Variants in TNR observed in about 807,000 individuals in gnomAD.
TNR encodes tenascin-R.
Under a neutral mutation model 150.4 loss-of-function variants are expected in TNR, and 45 were observed. The ratio of observed to expected loss-of-function variants is 0.30; its 90% CI spans 0.24 to 0.38. The LOEUF is 0.38. TNR is among the 10% of genes least tolerant of loss of function. The pLI, the probability that TNR is intolerant of heterozygous loss-of-function variation, is 1.00. For missense variants in TNR, 1,544 were observed against 1,759.1 expected, an observed-to-expected ratio of 0.88 and a Z score of 2.19; for synonymous variants, 687 against 678.4, an observed-to-expected ratio of 1.01 and a Z score of -0.20.
At chr1:175,692,219 A>G (rs1666388392) in intron 1 of TNR, among the ~76,000 whole-genome samples, 1 of 152,186 alleles carries the variant, frequency 6.6e-6, no homozygotes, top group Non-Finnish European at 1.5e-5. Flanking sequence ...GGGCCATTGA[A>G]GAGAGCCAGG....
intron 2 of TNR, among the ~76,000 whole-genome samples, chr1:175,499,692 C>T (rs960210030): frequency 1.3e-5 from 2 of 152,166 alleles, no homozygotes; most frequent in Admixed American, 1.3e-4. Context: ...CAAAGTGCTC[C>T]CCTTATAGCC....
intron 2 of TNR, among the ~76,000 whole-genome samples, chr1:175,510,221 C>A (rs1659113562): frequency 6.6e-6 from 1 of 152,018 alleles, no homozygotes; most frequent in Non-Finnish European, 1.5e-5. Context: ...AGAGCAAGAC[C>A]CTGTCTTGAA....
chr1:175,484,134 G>C (rs1363510433), intron 2 of TNR, among the ~76,000 whole-genome samples: 3 of 152,248 alleles, frequency 2.0e-5, no homozygotes, highest in Admixed American at 6.5e-5. Flanking sequence ...ATGAATGGAA[G>C]TCAGATGGAT....
chr1:175,726,880 T>C (rs924066902), intron 1 of TNR, among the ~76,000 whole-genome samples: 2 of 152,312 alleles, frequency 1.3e-5, no homozygotes, highest in Middle Eastern at 3.4e-3. Flanking sequence ...CTCTTGATTA[T>C]AGGTAAATCA....
chr1:175,377,661 T>G (rs908248598), intron 9 of TNR, among the ~76,000 whole-genome samples: 3 of 152,258 alleles, frequency 2.0e-5, no homozygotes, highest in Non-Finnish European at 4.4e-5. Flanking sequence ...TTACTTTAAC[T>G]GGCTGTGTTT....
chr1:175,339,867 C>A (rs1023006952), intron 18 of TNR, among the ~76,000 whole-genome samples: 4 of 152,092 alleles, frequency 2.6e-5, no homozygotes, highest in African/African-American at 4.8e-5. Context: ...AATGGGGAAA[C>A]AAACGATCTC....
intron 1 of TNR, among the ~76,000 whole-genome samples, chr1:175,698,475 G>A (rs1334055759): frequency 1.3e-5 from 2 of 152,150 alleles, no homozygotes; most frequent in African/African-American, 2.4e-5. Context: ...AGACCAGCGG[G>A]CAGGGGCAGG....
At chr1:175,721,238 A>G (rs1667290229) in intron 1 of TNR, among the ~76,000 whole-genome samples, 1 of 151,996 alleles carries the variant, frequency 6.6e-6, no homozygotes, top group African/African-American at 2.4e-5. Flanking sequence ...AAATCACCCT[A>G]TTTCATTGTT....
At chr1:175,575,754 C>T (rs1266442289) in intron 1 of TNR, among the ~76,000 whole-genome samples, 7 of 152,172 alleles carry the variant, frequency 4.6e-5, no homozygotes, top group Non-Finnish European at 8.8e-5. Context: ...CACCACAGTG[C>T]ACCGGGGGAC....
intron 7 of TNR, among the ~76,000 whole-genome samples, chr1:175,390,145 G>A (rs750823902): frequency 2.6e-5 from 4 of 152,182 alleles, no homozygotes; most frequent in Non-Finnish European, 4.4e-5. Flanking sequence ...CTGAACCAAC[G>A]TTTTCTAAAC....
intron 19 of TNR, among the ~76,000 whole-genome samples, 174 bp from the exon 20 acceptor site, chr1:175,335,981 A>G (rs998073110): frequency 6.6e-6 from 1 of 152,252 alleles, no homozygotes; most frequent in Admixed American, 6.5e-5. Context: ...TTTACACAGC[A>G]GTTTTTGTAG....
intron 15 of TNR, among the ~76,000 whole-genome samples, chr1:175,358,521 T>C (rs1044382609): frequency 7.9e-5 from 12 of 152,258 alleles, no homozygotes; most frequent in Non-Finnish European, 1.6e-4. Flanking sequence ...TAAGTTTACT[T>C]CTTTGCAGCT....
intron 2 of TNR, among the ~76,000 whole-genome samples, chr1:175,470,401 C>T (rs988454066): frequency 6.6e-6 from 1 of 152,130 alleles, no homozygotes; most frequent in African/African-American, 2.4e-5. Flanking sequence ...AAAGAGAATC[C>T]ACCCAAAGGC....
intron 1 of TNR, among the ~76,000 whole-genome samples, chr1:175,738,080 C>T (rs929132646): frequency 2.6e-5 from 4 of 152,154 alleles, no homozygotes; most frequent in African/African-American, 9.7e-5. Flanking sequence ...CTGATTCATT[C>T]ATGTGCACCA....
At chr1:175,407,166 G>T (rs1480006785) in intron 2 of TNR, among the ~76,000 whole-genome samples, 1 of 152,058 alleles carries the variant, frequency 6.6e-6, no homozygotes, top group African/African-American at 2.4e-5. Flanking sequence ...GGGAGCCTTG[G>T]GTGTCCTCTC....
chr1:175,547,617 GAAAC>G (rs1331498745), intron 1 of TNR, among the ~76,000 whole-genome samples: 578 of 17,860 alleles, frequency 0.032, 14 homozygotes, highest in African/African-American at 0.051. Context: ...AAGAAACAAA[GAAAC>G]AAAGAAAGAA....
intron 2 of TNR, among the ~76,000 whole-genome samples, chr1:175,494,335 G>A (rs1230495246): frequency 6.6e-6 from 1 of 152,214 alleles, no homozygotes; most frequent in East Asian, 1.9e-4. Context: ...AATCTGGGGC[G>A]GGAGCTGATT....
intron 1 of TNR, among the ~76,000 whole-genome samples, chr1:175,681,713 G>C (rs571016586): frequency 6.6e-5 from 10 of 152,164 alleles, no homozygotes; most frequent in Admixed American, 2.0e-4. Context: ...CACTCCATAA[G>C]CAAGGTGCAG....
chr1:175,477,662 C>T (rs924362732), intron 2 of TNR, among the ~76,000 whole-genome samples: 11 of 152,148 alleles, frequency 7.2e-5, no homozygotes, highest in African/African-American at 2.4e-4. Context: ...GGAATGAGGG[C>T]AGGCCAGTCA....
Sources: gnomAD v4.1 joint callset for allele counts (sites outside exome capture counted in the v4.1 genomes callset) on GRCh38, gnomAD v4.1.1 for gene constraint, MANE v1.5 for transcripts, NCBI Gene and HGNC (gene_info 2026-07-23, HGNC 2026-07-21) for gene names.